Variants in AK9 observed in about 807,000 individuals in gnomAD.
AK9 encodes adenylate kinase 9.
Under a neutral mutation model 239.6 loss-of-function variants are expected in AK9, and 191 were observed. The observed-to-expected ratio is 0.80, with a 90% CI of 0.71 to 0.90. The LOEUF is 0.90. Ranked by LOEUF, AK9 falls within the 40% of genes least tolerant of loss-of-function variation. The pLI, the probability that AK9 is intolerant of heterozygous loss-of-function variation, is 0.00. For synonymous variants in AK9, 689 were observed against 721.0 expected, an observed-to-expected ratio of 0.96 and a Z score of 0.71; for missense variants, 1,995 against 2,214.7, an observed-to-expected ratio of 0.90 and a Z score of 1.99.
chr6:109,677,004 C>T (rs115579117), intron 1 of AK9, among the ~76,000 whole-genome samples: 485 of 152,280 alleles, frequency 3.2e-3, no homozygotes, highest in African/African-American at 0.011. Context: ...AAAGCAAATA[C>T]TACATGTTCT....
intron 17 of AK9, among the ~76,000 whole-genome samples, chr6:109,605,559 G>T (rs770864997): frequency 2.6e-5 from 4 of 151,966 alleles, no homozygotes; most frequent in Non-Finnish European, 1.5e-5. Context: ...TATCCCACAT[G>T]ATTCTGATGC....
chr6:109,591,273 CCTT>C (rs1790204319), intron 17 of AK9, among the ~76,000 whole-genome samples: 1 of 151,890 alleles, frequency 6.6e-6, no homozygotes, highest in African/African-American at 2.4e-5. Context: ...AATATAATGA[CCTT>C]CTTTGTCTTT....
intron 25 of AK9, 168 bp downstream of exon 25, chr6:109,549,922 C>T (rs1219755594): frequency 1.6e-6 from 1 of 620,608 alleles, no homozygotes; most frequent in African/African-American, 1.9e-5. Flanking sequence ...TCTCGGCCTC[C>T]CAAAGTGCTG....
At chr6:109,539,263 T>C (rs1782502366) in intron 27 of AK9, among the ~76,000 whole-genome samples, 4 of 152,246 alleles carry the variant, frequency 2.6e-5, no homozygotes, top group African/African-American at 9.6e-5. Flanking sequence ...ATTTGGTCTT[T>C]TCACATAGTC....
intron 35 of AK9, among the ~76,000 whole-genome samples, chr6:109,500,441 A>C (rs1318369841): frequency 6.6e-6 from 1 of 152,206 alleles, no homozygotes; most frequent in Non-Finnish European, 1.5e-5. Context: ...AAATAAAATT[A>C]CTTTTTAAAT....
intron 1 of AK9, among the ~76,000 whole-genome samples, chr6:109,688,140 T>G (rs569996953): frequency 6.6e-6 from 1 of 152,334 alleles, no homozygotes; most frequent in South Asian, 2.1e-4. Flanking sequence ...GGCAGAGACC[T>G]GTTCATATTA....
At chr6:109,562,678 G>A (rs1025947822) in intron 24 of AK9, among the ~76,000 whole-genome samples, 3 of 152,100 alleles carry the variant, frequency 2.0e-5, no homozygotes, top group African/African-American at 7.2e-5. Context: ...ATTTATGCTA[G>A]GTCTAGTTAT....
At chr6:109,657,546 TTTC>T (rs779551974) in intron 7 of AK9, among the ~76,000 whole-genome samples, 1,066 of 97,650 alleles carry the variant, frequency 0.011, 5 homozygotes, top group Non-Finnish European at 0.017. Flanking sequence ...CACAAGTTTC[TTTC>T]TTTTTTTTTT....
chr6:109,608,403 A>G (rs1462211645), intron 17 of AK9, among the ~76,000 whole-genome samples: 1 of 152,080 alleles, frequency 6.6e-6, no homozygotes, highest in African/African-American at 2.4e-5. Context: ...CACTTGATAT[A>G]TGATAGTGGA....
chr6:109,643,512 A>C (rs896450459), intron 9 of AK9, among the ~76,000 whole-genome samples: 5 of 152,210 alleles, frequency 3.3e-5, no homozygotes, highest in African/African-American at 9.6e-5. Context: ...GCAAAAGCCA[A>C]AACTAGTTTT....
At chr6:109,564,625 G>T in intron 22 of AK9, 131 bp downstream of exon 22, 1 of 623,920 alleles carries the variant, frequency 1.6e-6, no homozygotes, top group Non-Finnish European at 2.6e-6. Context: ...AAATATTTAT[G>T]TATGTCAATT....
chr6:109,637,245 T>C (rs1796835947), intron 10 of AK9, among the ~76,000 whole-genome samples: 1 of 152,236 alleles, frequency 6.6e-6, no homozygotes, highest in Non-Finnish European at 1.5e-5. Context: ...AACTGGATTT[T>C]TTTACTGCTG....
chr6:109,542,205 TA>T, intron 26 of AK9, 34 bp from the exon 27 acceptor site: 2 of 1,554,572 alleles, frequency 1.3e-6, no homozygotes, highest in Non-Finnish European at 1.7e-6. Flanking sequence ...AAACAAGTTT[TA>T]AAACTCTATG....
At position 109,516,046 on chromosome 6, in the gene AK9, T is replaced by C. The variant is rs758514757; in HGVS notation, c.3876A>G (p.Ile1292Met). ...QDELERYLIP[I>M]ISINGARRNH... ...TTCTCCGAGCTCCATTAATGGAAAT[T>C]ATTGGTATCAAATACCTCTCAAGTT... Residue 1292 changes from isoleucine to methionine, a missense_variant, in exon 31 of 41, where the codon ATA becomes ATG. Around this residue, in one of 5 missense-constraint regions of AK9, gnomAD observed 1,290 missense variants for 1,392.7 expected, o/e 0.93. Transcript: ENST00000424296. 7 of 1,550,608 alleles carry C rather than the reference T, an allele frequency of 4.5e-6. No individual in the cohort carries two copies. Among genetic ancestry groups the C allele is most frequent in the Admixed American group, 3.9e-5 (2 of 50,962 alleles).
chr6:109,532,229 T>C (rs1781369195), intron 28 of AK9, among the ~76,000 whole-genome samples: 1 of 152,224 alleles, frequency 6.6e-6, no homozygotes, highest in Admixed American at 6.5e-5. Flanking sequence ...AGGAGCTCCC[T>C]GCCTTCAGTC....
At chr6:109,529,099 A>G in intron 28 of AK9, 26 bp from the exon 29 acceptor site, 1 of 1,537,104 alleles carries the variant, frequency 6.5e-7, no homozygotes, top group Non-Finnish European at 8.7e-7. Flanking sequence ...ACATTAAAAA[A>G]TTGTAATGGA....
At chr6:109,591,996 GAACT>G (rs1244793993) in intron 17 of AK9, among the ~76,000 whole-genome samples, 1 of 152,102 alleles carries the variant, frequency 6.6e-6, no homozygotes, top group South Asian at 2.1e-4. Context: ...TTTCTAAACA[GAACT>G]AACATCAGAA....
intron 32 of AK9, 108 bp downstream of exon 32, chr6:109,514,116 G>T: frequency 9.5e-7 from 1 of 1,056,390 alleles, no homozygotes; most frequent in Non-Finnish European, 1.4e-6. Flanking sequence ...ACGATTAAAT[G>T]TCTTTTTCTG....
At chr6:109,610,561 G>T in intron 16 of AK9, 48 bp from the exon 17 acceptor site, 1 of 1,500,926 alleles carries the variant, frequency 6.7e-7, no homozygotes. Context: ...AATTTTAGTG[G>T]ACAATACTAC....
Sources: allele counts gnomAD v4.1 joint callset (sites outside exome capture counted in the v4.1 genomes callset), GRCh38; gene constraint gnomAD v4.1.1; regional missense constraint gnomAD v4.1.1; transcripts MANE v1.5; gene names NCBI Gene and HGNC (gene_info 2026-07-23, HGNC 2026-07-21).